The following TSHZ2 variants were observed in gnomAD, a reference collection of about 807,000 sequenced individuals.
The protein encoded by TSHZ2 is teashirt homolog 2.
TSHZ2 carries 21 observed loss-of-function variants against 74.4 expected under a neutral mutation model. The observed-to-expected ratio is 0.28, with a 90% CI of 0.20 to 0.41. TSHZ2 has a LOEUF of 0.41. Ranked by LOEUF, TSHZ2 falls within the 10% of genes least tolerant of loss-of-function variation. TSHZ2 has a pLI of 1.00. For missense variants in TSHZ2, 1,244 were observed against 1,293.5 expected, an observed-to-expected ratio of 0.96 and a Z score of 0.59; for synonymous variants, 540 against 515.3, an observed-to-expected ratio of 1.05 and a Z score of -0.65.
intron 1 of TSHZ2, among the ~76,000 whole-genome samples, chr20:53,146,169 A>G (rs1987534711): frequency 6.6e-6 from 1 of 152,078 alleles, no homozygotes; most frequent in Admixed American, 6.6e-5. Flanking sequence ...TCCATTTCAT[A>G]TCTAGTATAT....
rs541595840 is a variant in TSHZ2 at position 53,016,716 on chromosome 20, G to A, written c.40+43383G>A. Reference sequence around the variant, plus strand: ...TATCAGATAGAATTGGCTGGATTATGCTGCTGTAACAAATAGCCCCTAAGT... The same window carrying A: ...TATCAGATAGAATTGGCTGGATTATACTGCTGTAACAAATAGCCCCTAAGT... On this transcript the variant is annotated intron_variant, in intron 1 of 2. Transcript: ENST00000371497. Among the ~76,000 whole-genome samples the A allele has an allele frequency of 3.6e-4, 55 of 152,294 alleles. No individual in the cohort carries two copies. The South Asian group carries it at 0.011, about 32-fold the overall frequency.
intron 2 of TSHZ2, among the ~76,000 whole-genome samples, chr20:53,311,613 C>T (rs771204577): frequency 4.6e-5 from 7 of 152,204 alleles, no homozygotes; most frequent in African/African-American, 9.7e-5. Context: ...CTCAGACACA[C>T]GTACACTGCC....
chr20:53,463,812 G>T (rs1158243101), intron 2 of TSHZ2, among the ~76,000 whole-genome samples: 1 of 152,190 alleles, frequency 6.6e-6, no homozygotes, highest in Non-Finnish European at 1.5e-5. Flanking sequence ...ACATCTCTGA[G>T]TCACTTATTA....
intron 1 of TSHZ2, chr20:53,196,593 T>C (rs1339521872): frequency 6.6e-6 from 1 of 152,210 alleles, no homozygotes; most frequent in Non-Finnish European, 1.5e-5. Context: ...TGTCTGAACC[T>C]AGCCCATTAC....
chr20:53,017,509 T>C (rs1394510284), intron 1 of TSHZ2, among the ~76,000 whole-genome samples: 1 of 152,188 alleles, frequency 6.6e-6, no homozygotes, highest in Non-Finnish European at 1.5e-5. Context: ...GGCAAAATCA[T>C]GATCTAATAG....
chr20:53,036,057 T>A (rs896721602), intron 1 of TSHZ2, among the ~76,000 whole-genome samples: 1 of 152,164 alleles, frequency 6.6e-6, no homozygotes, highest in Non-Finnish European at 1.5e-5. Flanking sequence ...CAAGTAAAAT[T>A]TTCCTCTAAC....
At chr20:53,467,134 G>A (rs138715766) in intron 2 of TSHZ2, among the ~76,000 whole-genome samples, 1 of 152,278 alleles carries the variant, frequency 6.6e-6, no homozygotes, top group East Asian at 1.9e-4. Flanking sequence ...TAATAAAATG[G>A]TAGATATTAT....
intron 1 of TSHZ2, among the ~76,000 whole-genome samples, chr20:53,097,419 TG>T (rs1422427829): frequency 6.6e-6 from 1 of 152,172 alleles, no homozygotes; most frequent in Non-Finnish European, 1.5e-5. Flanking sequence ...GATGCAGAGA[TG>T]GGGAAAGCAT....
intron 1 of TSHZ2, among the ~76,000 whole-genome samples, chr20:53,139,627 C>G (rs756589167): frequency 6.6e-6 from 1 of 152,298 alleles, no homozygotes; most frequent in Non-Finnish European, 1.5e-5. Context: ...TGGAATCTTT[C>G]GTGTCAGATA....
intron 2 of TSHZ2, among the ~76,000 whole-genome samples, chr20:53,435,908 CTG>C (rs1247788884): frequency 6.6e-6 from 1 of 152,230 alleles, no homozygotes; most frequent in Admixed American, 6.5e-5. Flanking sequence ...ATTTATCACC[CTG>C]TGTCTCAGTT....
In TSHZ2 at chr20:53,486,514, CA is replaced by C. The variant is rs1986293083; in HGVS notation, c.*9-626del. 2.6e-5 allele frequency among the ~76,000 whole-genome samples: 4 copies of C among 151,976 alleles called. No individual in the cohort carries two copies. The South Asian group carries it at 8.3e-4, about 32-fold the overall frequency. ...GCCCAGGAATCTGAGATAGGCTCTG[CA>C]AAATAAAAAATAAACCTAGTCAGGC... is the stretch of plus-strand genomic sequence containing the variant. On this transcript the variant is annotated intron_variant, in intron 2 of 2. Coordinates refer to ENST00000371497, the MANE Select transcript of TSHZ2 (RefSeq NM_173485.6).
chr20:53,101,216 T>G (rs1301303033), intron 1 of TSHZ2, among the ~76,000 whole-genome samples: 3 of 152,180 alleles, frequency 2.0e-5, no homozygotes, highest in Non-Finnish European at 4.4e-5. Context: ...ATCCAAAGAT[T>G]CCCATTAACT....
chr20:53,211,444 T>C (rs1989301516), intron 1 of TSHZ2, among the ~76,000 whole-genome samples: 1 of 152,038 alleles, frequency 6.6e-6, no homozygotes. Context: ...AAAGGAACAT[T>C]CACAGTCAAA....
chr20:53,048,677 C>T (rs1052901823), intron 1 of TSHZ2, among the ~76,000 whole-genome samples: 3 of 152,190 alleles, frequency 2.0e-5, no homozygotes, highest in Non-Finnish European at 4.4e-5. Context: ...CATCAGTCTG[C>T]AAAGTGAGAA....
At chr20:53,482,432 C>T (rs1986178698) in intron 2 of TSHZ2, among the ~76,000 whole-genome samples, 1 of 152,162 alleles carries the variant, frequency 6.6e-6, no homozygotes, top group African/African-American at 2.4e-5. Context: ...AGCCAGATAA[C>T]CTGAGTCAAG....
At chr20:53,244,585 C>T (rs563026349) in intron 1 of TSHZ2, among the ~76,000 whole-genome samples, 17 of 152,290 alleles carry the variant, frequency 1.1e-4, no homozygotes, top group South Asian at 1.0e-3. Context: ...CACCAAGACA[C>T]GTCGCAATAA....
intron 1 of TSHZ2, among the ~76,000 whole-genome samples, chr20:53,096,139 C>CTGTT (rs953656585): frequency 1.3e-5 from 2 of 151,850 alleles, no homozygotes; most frequent in Admixed American, 6.6e-5. Flanking sequence ...TTTTGTTTGT[C>CTGTT]TGTTTGTTTG....
intron 2 of TSHZ2, among the ~76,000 whole-genome samples, chr20:53,304,759 G>A (rs1374559693): frequency 3.3e-5 from 5 of 152,060 alleles, no homozygotes; most frequent in Non-Finnish European, 7.4e-5. Context: ...AGCCTCCTGA[G>A]TAGCTGGGAT....
At chr20:53,134,977 C>T (rs1987204411) in intron 1 of TSHZ2, among the ~76,000 whole-genome samples, 1 of 133,100 alleles carries the variant, frequency 7.5e-6, no homozygotes, top group African/African-American at 3.2e-5. Flanking sequence ...GAAACACACA[C>T]ACACACACAC....
Sources: gnomAD v4.1 joint callset for allele counts (sites outside exome capture counted in the v4.1 genomes callset) on GRCh38, gnomAD v4.1.1 for gene constraint, MANE v1.5 for transcripts, NCBI Gene and HGNC (gene_info 2026-07-23, HGNC 2026-07-21) for gene names.